The following KDM4B variants were observed in gnomAD, a reference collection of about 807,000 sequenced individuals.
The protein encoded by KDM4B is lysine-specific demethylase 4B.
Under a neutral mutation model 125.2 loss-of-function variants are expected in KDM4B, and 32 were observed. That is an observed-to-expected ratio of 0.26 (90% confidence interval 0.19 to 0.34). KDM4B has a LOEUF of 0.34. KDM4B is among the 10% of genes least tolerant of loss of function. The pLI is 1.00. For missense variants in KDM4B, 1,190 were observed against 1,577.7 expected, an observed-to-expected ratio of 0.75 and a Z score of 4.16; for synonymous variants, 721 against 677.9, an observed-to-expected ratio of 1.06 and a Z score of -0.99.
At chr19:5,038,585 C>A (rs889755049) in intron 3 of KDM4B, among the ~76,000 whole-genome samples, 2 of 152,236 alleles carry the variant, frequency 1.3e-5, no homozygotes, top group African/African-American at 2.4e-5. Flanking sequence ...TCCGCGTGTT[C>A]CAGTGTCTGA....
chr19:4,971,111 AATAT>A lies in KDM4B; in HGVS notation c.-109+1886_-109+1889del, dbSNP rs2034242910. Among the ~76,000 whole-genome samples, 1 of 152,072 alleles carries A rather than the reference AATAT, an allele frequency of 6.6e-6. No individual in the cohort carries two copies. The highest frequency in any genetic ancestry group is 2.1e-4 in the South Asian group (1 of 4,822). On this transcript the variant is annotated intron_variant, in intron 1 of 22. Transcript: ENST00000159111. The surrounding 1 kb of genome is among the most constrained non-coding windows in gnomAD (Gnocchi z 4.1). ...TGTGTGTTTAGTTGCTGAGACCTGAAATATATATGTCTTAGTAACAATCCGTTTG... is the reference window on the plus strand; with the variant it reads ...TGTGTGTTTAGTTGCTGAGACCTGAAATATGTCTTAGTAACAATCCGTTTG...
intron 6 of KDM4B, among the ~76,000 whole-genome samples, chr19:5,049,243 C>G (rs1194588672): frequency 1.3e-5 from 2 of 152,102 alleles, no homozygotes; most frequent in African/African-American, 4.8e-5. Context: ...TCATCCAGGA[C>G]GCAGCCTCTG....
chr19:5,149,039 G>A (rs1389610237), intron 21 of KDM4B, among the ~76,000 whole-genome samples: 4 of 152,208 alleles, frequency 2.6e-5, no homozygotes, highest in Admixed American at 6.5e-5. Flanking sequence ...CGCCTGCGCC[G>A]GCCAAGAGGC....
rs1252254352 is a variant in KDM4B, at chr19:5,141,492, C to T, written c.2551-2475C>T. The T allele has an allele frequency of 6.6e-6, 1 of 152,200 alleles. No homozygotes were observed. Among genetic ancestry groups the T allele is most frequent in the Non-Finnish European group, 1.5e-5 (1 of 68,040 alleles). The allele number at this position is 152,200 out of a possible 1,614,324, so 9.4% of individuals were successfully genotyped here. A position where few individuals can be genotyped will look rare whatever the true frequency, so the allele number is the denominator to read the frequency against. On this transcript the variant is annotated intron_variant, in intron 18 of 22. Transcript: ENST00000159111. This position sits in a 1 kb window ranked among gnomAD's most constrained non-coding sequence, Gnocchi z 6.4. The stretch of plus-strand genomic sequence containing the variant: ...GTGCTTGTAACGATGAATTAAAAAT[C>T]CTTTTACACGAGGCCCGCTTGTACT...
Position 5,151,521 on chromosome 19 carries a change from C to T in KDM4B, c.*10C>T. 2 of 1,361,422 alleles carry T rather than the reference C, an allele frequency of 1.5e-6. No homozygotes were observed. Among genetic ancestry groups the T allele is most frequent in the Non-Finnish European group, 1.9e-6 (2 of 1,052,230 alleles). 84.3% of individuals were successfully genotyped at this position (1,361,422 alleles called of 1,614,324 possible). A position where few individuals can be genotyped will look rare whatever the true frequency, so the allele number is the denominator to read the frequency against. ...CGGAGCCCCCTTCTAGGACAGCTGG[C>T]CGCTCAGGCGACCCTCAGCCCGGCG... On this transcript the variant is annotated 3_prime_UTR_variant, in exon 23 of 23. Coordinates refer to ENST00000159111, the MANE Select transcript of KDM4B (RefSeq NM_015015.3).
At chr19:5,011,488 T>C (rs953063043) in intron 1 of KDM4B, among the ~76,000 whole-genome samples, 5 of 152,102 alleles carry the variant, frequency 3.3e-5, no homozygotes, top group African/African-American at 1.2e-4. Context: ...GCAGAGCCCC[T>C]GGAAAAAGGA....
chr19:5,016,778 T>A (rs2035905237), intron 2 of KDM4B, among the ~76,000 whole-genome samples: 1 of 152,206 alleles, frequency 6.6e-6, no homozygotes, highest in Non-Finnish European at 1.5e-5. Context: ...GAGACTCATT[T>A]TTAAATGCCT....
At chr19:5,015,413 G>A (rs757546634) in intron 1 of KDM4B, among the ~76,000 whole-genome samples, 43 of 152,210 alleles carry the variant, frequency 2.8e-4, no homozygotes, top group Non-Finnish European at 5.4e-4. Context: ...CACCACGCCC[G>A]GCTAATTTTT....
At chr19:5,038,573 T>C in intron 3 of KDM4B, among the ~76,000 whole-genome samples, 1 of 152,168 alleles carries the variant, frequency 6.6e-6, no homozygotes, top group Middle Eastern at 3.2e-3. Context: ...TCTGCTGTCT[T>C]CTCCGCGTGT....
At chr19:4,980,887 TGCAGAATACAGGCCGAGATGGCCCCGGG>T (rs112441864) in intron 1 of KDM4B, among the ~76,000 whole-genome samples, 1,839 of 144,890 alleles carry the variant, frequency 0.013, 34 homozygotes, top group African/African-American at 0.044. Context: ...TGCTGCACCA[TGCAGAATACAGGCCGAGATGGCCCCGGG>T]GCAGACACAG....
intron 2 of KDM4B, among the ~76,000 whole-genome samples, chr19:5,021,099 C>T (rs751030091): frequency 2.0e-5 from 3 of 150,718 alleles, no homozygotes; most frequent in Non-Finnish European, 3.0e-5. Flanking sequence ...GAGCTGAGAT[C>T]GCACCACTGC....
chr19:5,044,132 G>T (rs1177691908), intron 5 of KDM4B, among the ~76,000 whole-genome samples: 1 of 100,254 alleles, frequency 1.0e-5, no homozygotes, highest in African/African-American at 4.2e-5. Context: ...TCGGAGTGGG[G>T]TGTCCACCTT....
chr19:5,120,172 T>TA (rs2039333993), intron 11 of KDM4B, among the ~76,000 whole-genome samples: 2 of 152,158 alleles, frequency 1.3e-5, no homozygotes, highest in South Asian at 4.1e-4. Context: ...TGTCTCTACT[T>TA]ATGATATAAA....
intron 10 of KDM4B, among the ~76,000 whole-genome samples, chr19:5,117,703 C>G (rs1352850503): frequency 6.6e-6 from 1 of 152,194 alleles, no homozygotes; most frequent in Non-Finnish European, 1.5e-5. Flanking sequence ...GGGCCACTCC[C>G]GTGTCCCCCA....
At chr19:4,986,899 G>A (rs544539637) in intron 1 of KDM4B, among the ~76,000 whole-genome samples, 4 of 152,360 alleles carry the variant, frequency 2.6e-5, no homozygotes, top group Admixed American at 2.0e-4. Flanking sequence ...TCAGCCGTGA[G>A]GGCAAAGGCT....
intron 9 of KDM4B, among the ~76,000 whole-genome samples, chr19:5,092,558 G>C (rs569547446): frequency 1.3e-5 from 2 of 152,100 alleles, no homozygotes; most frequent in Admixed American, 1.3e-4. Flanking sequence ...GGTGTGGCTC[G>C]AGGGCCTTTG....
rs766608517 is a variant in KDM4B, at chr19:5,082,409, G to A, written c.823G>A (p.Gly275Ser). ...GGAATTCATGATCACATTTCCCTACGGCTACCACGCCGGCTTCAATCACGG... is the reference window on the plus strand; with the variant it reads ...GGAATTCATGATCACATTTCCCTACAGCTACCACGCCGGCTTCAATCACGG... ...AGEFMITFPY[G>S]YHAGFNHGFN... is the part of the protein sequence containing the mutation. The change falls in exon 9 of 23, where the codon GGC becomes AGC. Residue 275 changes from glycine (G) to serine (S), a missense_variant. By Grantham distance (56) the Gly-to-Ser change is moderately conservative (BLOSUM62 0). This residue lies in a region of KDM4B where 75 missense variants were observed against 218.2 expected (regional missense o/e 0.34). Transcript: ENST00000159111. The surrounding 1 kb of genome is among the most constrained non-coding windows in gnomAD (Gnocchi z 5.4). The A allele has an allele frequency of 1.9e-6, 3 of 1,613,730 alleles. No individual in the cohort carries two copies. The highest frequency in any genetic ancestry group is 2.7e-5 in the African/African-American group (2 of 75,038).
At chr19:5,132,070 G>A in intron 13 of KDM4B, 63 bp downstream of exon 13, 1 of 1,487,258 alleles carries the variant, frequency 6.7e-7, no homozygotes, top group Non-Finnish European at 9.0e-7. Flanking sequence ...TGCTGCTGGA[G>A]GGGGGGCCTG....
At chr19:5,090,515 C>CCT (rs2038671769) in intron 9 of KDM4B, among the ~76,000 whole-genome samples, 1 of 41,570 alleles carries the variant, frequency 2.4e-5, no homozygotes, top group Non-Finnish European at 5.3e-5. Flanking sequence ...CCTCTCTCTC[C>CCT]CTCTCCCCCT....
Sources: gnomAD v4.1 joint callset for allele counts (sites outside exome capture counted in the v4.1 genomes callset) on GRCh38, gnomAD v4.1.1 for gene constraint, gnomAD v4.1.1 regional missense constraint, Gnocchi (gnomAD v3.1) non-coding constraint, MANE v1.5 for transcripts, NCBI Gene and HGNC (gene_info 2026-07-23, HGNC 2026-07-21) for gene names.